The following SASH1 variants were observed in gnomAD, a reference collection of about 807,000 sequenced individuals.
SASH1 encodes the protein SAM and SH3 domain containing 1.
In SASH1, 44 loss-of-function variants were observed where a neutral mutation model predicts 125.2. The ratio of observed to expected loss-of-function variants is 0.35; its 90% confidence interval spans 0.28 to 0.45. SASH1 has a LOEUF of 0.45. SASH1 is among the 20% of genes least tolerant of loss of function. The pLI is 1.00. For synonymous variants in SASH1, 639 were observed against 649.1 expected, an observed-to-expected ratio of 0.98 and a Z score of 0.24; for missense variants, 1,426 against 1,614.5, an observed-to-expected ratio of 0.88 and a Z score of 2.00.
At chr6:148,284,626 C>T (rs1265263729) in intron 1 of SASH1, among the ~76,000 whole-genome samples, 1 of 152,024 alleles carries the variant, frequency 6.6e-6, no homozygotes, top group Non-Finnish European at 1.5e-5. Flanking sequence ...CCTAATTTTC[C>T]ACTTAAAATA....
rs1054856809 is a variant in SASH1, at chr6:148,435,287, A to C, written c.286-4897A>C. Reference sequence around the variant, plus strand: ...CAGCTGCTTGAGAGGCTGAGGCAGGAGAATCACTTGAACCTGGGAGGTGGA... The same window carrying C: ...CAGCTGCTTGAGAGGCTGAGGCAGGCGAATCACTTGAACCTGGGAGGTGGA... On this transcript the variant is annotated intron_variant, in intron 2 of 19. Coordinates refer to ENST00000367467, the MANE Select transcript of SASH1 (RefSeq NM_015278.5). Among the ~76,000 whole-genome samples the C allele has an allele frequency of 6.0e-5, 9 of 150,940 alleles. No individual in the cohort carries two copies. The East Asian group carries it at 1.8e-3, about 30-fold the overall frequency.
At chr6:148,228,946 G>A in the SASH1 span, among the ~76,000 whole-genome samples, 9,537 of 151,972 alleles carry the variant, frequency 0.063, 324 homozygotes, top group Middle Eastern at 0.11. Flanking sequence ...GACCAGCCTG[G>A]GCAATGTGGT....
chr6:148,448,273 T>C (rs967526410), intron 4 of SASH1, among the ~76,000 whole-genome samples: 11 of 152,216 alleles, frequency 7.2e-5, no homozygotes, highest in Non-Finnish European at 1.3e-4. Context: ...TGAGTGAGCA[T>C]GCACAAACAT....
chr6:148,538,777 T>G (rs938857034), intron 16 of SASH1, among the ~76,000 whole-genome samples: 1 of 152,170 alleles, frequency 6.6e-6, no homozygotes, highest in Admixed American at 6.5e-5. Flanking sequence ...TTGATTTCTT[T>G]TTTTCTTTGT....
At chr6:148,344,686 A>ATAT (rs1278393209) in intron 1 of SASH1, among the ~76,000 whole-genome samples, 3 of 151,906 alleles carry the variant, frequency 2.0e-5, no homozygotes, top group Non-Finnish European at 4.4e-5. Context: ...ATACAGATGA[A>ATAT]TATGATCCTT....
chr6:148,459,312 C>G (rs1322252128), intron 4 of SASH1, among the ~76,000 whole-genome samples: 1 of 152,176 alleles, frequency 6.6e-6, no homozygotes, highest in Non-Finnish European at 1.5e-5. Context: ...TCTGATTCTC[C>G]CTCCTTCAAG....
At chr6:148,356,035 C>T (rs1781919032) in intron 1 of SASH1, among the ~76,000 whole-genome samples, 1 of 151,134 alleles carries the variant, frequency 6.6e-6, no homozygotes, top group African/African-American at 2.4e-5. Context: ...TTCCACGCTT[C>T]CCCCCAAGTC....
intron 2 of SASH1, among the ~76,000 whole-genome samples, chr6:148,438,520 A>G (rs1776390911): frequency 6.6e-6 from 1 of 152,152 alleles, no homozygotes; most frequent in African/African-American, 2.4e-5. Context: ...AATGAAAACC[A>G]GGAGGAGGTT....
upstream of SASH1, among the ~76,000 whole-genome samples, chr6:148,341,317 G>GT (rs1179914037): frequency 0.042 from 5,103 of 120,090 alleles, 382 homozygotes; most frequent in African/African-American, 0.15. Flanking sequence ...GCTATGTTTT[G>GT]TTTTTTTTTT....
At chr6:148,464,340 G>A (rs1220320947) in intron 4 of SASH1, among the ~76,000 whole-genome samples, 1 of 152,126 alleles carries the variant, frequency 6.6e-6, no homozygotes, top group Admixed American at 6.5e-5. Flanking sequence ...ATGTTTAAAT[G>A]GATTTTTAAA....
At chr6:148,462,725 TC>T (rs1171716737) in intron 4 of SASH1, among the ~76,000 whole-genome samples, 1 of 152,212 alleles carries the variant, frequency 6.6e-6, no homozygotes, top group Non-Finnish European at 1.5e-5. Flanking sequence ...TGTAATGGTA[TC>T]CCCTTTCTGT....
intron 8 of SASH1, chr6:148,513,423 T>G: frequency 2.0e-6 from 2 of 985,444 alleles, no homozygotes; most frequent in Non-Finnish European, 2.4e-6. Context: ...CTTATGCTGT[T>G]TCACATTTTG....
intron 2 of SASH1, among the ~76,000 whole-genome samples, chr6:148,414,725 AT>A (rs2114920532): frequency 6.6e-6 from 1 of 151,822 alleles, no homozygotes; most frequent in East Asian, 1.9e-4. Flanking sequence ...GAGTGCAGTG[AT>A]GCGATTTTGG....
Position 148,543,886 on chromosome 6 carries a change from G to C in SASH1, c.2416G>C (p.Gly806Arg), listed in dbSNP as rs1160828003. Reference sequence around the variant, plus strand: ...GAGCTGTGACCCACCTGGTGTGACTGGTTTGAATAAAAACCGAAGAAGCCT... The same window carrying C: ...GAGCTGTGACCCACCTGGTGTGACTCGTTTGAATAAAAACCGAAGAAGCCT... ...SKSCDPPGVT[G>R]LNKNRRSLPV... The change falls in exon 18 of 20, where the codon GGT (glycine) becomes CGT (arginine). Residue 806 changes from glycine to arginine, a missense_variant. Coordinates refer to ENST00000367467, the MANE Select transcript of SASH1 (RefSeq NM_015278.5). 6.2e-7 allele frequency: 1 copy of C among 1,614,166 alleles called. No individual in the cohort carries two copies. Among genetic ancestry groups the C allele is most frequent in the Admixed American group, 1.7e-5 (1 of 60,022 alleles).
At chr6:148,238,821 G>T in the SASH1 span, among the ~76,000 whole-genome samples, 3 of 152,080 alleles carry the variant, frequency 2.0e-5, no homozygotes, top group Non-Finnish European at 4.4e-5. Flanking sequence ...ACGTTCCTCT[G>T]CTACTCACCC....
At chr6:148,531,779 A>G (rs1008554183) in intron 13 of SASH1, 118 bp downstream of exon 13, 8 of 808,320 alleles carry the variant, frequency 9.9e-6, no homozygotes, top group East Asian at 3.3e-5. Context: ...TTCAGGTGCT[A>G]TTAGAGAATC....
At chr6:148,383,574 A>G (rs1238726924) in intron 1 of SASH1, among the ~76,000 whole-genome samples, 1 of 152,166 alleles carries the variant, frequency 6.6e-6, no homozygotes, top group Non-Finnish European at 1.5e-5. Context: ...TCGTTTGCAT[A>G]CAATCTGCAT....
intron 7 of SASH1, chr6:148,480,284 G>C (rs922243058): frequency 6.8e-6 from 1 of 147,152 alleles, no homozygotes; most frequent in African/African-American, 2.6e-5. Flanking sequence ...TCGCACCATT[G>C]CACTCTAGCC....
At chr6:148,493,150 G>C (rs180790499) in intron 8 of SASH1, among the ~76,000 whole-genome samples, 6 of 152,290 alleles carry the variant, frequency 3.9e-5, no homozygotes, top group Admixed American at 3.3e-4. Context: ...TGTGTATTTT[G>C]CTAGCTGACT....
Sources: allele counts gnomAD v4.1 joint callset (sites outside exome capture counted in the v4.1 genomes callset), GRCh38; gene constraint gnomAD v4.1.1; transcripts MANE v1.5; gene names NCBI Gene and HGNC (gene_info 2026-07-23, HGNC 2026-07-21).